Variants in PLPPR1 observed in about 807,000 individuals in gnomAD.
PLPPR1 encodes the protein phospholipid phosphatase related 1, also known as phospholipid phosphatase-related protein type 1.
A neutral mutation model predicts 33.1 loss-of-function variants in PLPPR1; 10 were observed. That is an observed-to-expected ratio of 0.30 (90% CI 0.19 to 0.51). The LOEUF (loss-of-function observed/expected upper bound fraction) is 0.51. Among genes scored for constraint, PLPPR1 ranks in the 20% least tolerant of loss-of-function variants. The probability of loss-of-function intolerance (pLI) is 0.97; values close to 1 mark genes in which losing one functional copy is unlikely to be tolerated. For missense variants in PLPPR1, 304 were observed against 408.1 expected, an observed-to-expected ratio of 0.74 and a Z score of 2.20; for synonymous variants, 151 against 151.0, an observed-to-expected ratio of 1.00 and a Z score of 0.00.
chr9:101,131,506 A>G (rs918184775), intron 1 of PLPPR1: 2 of 152,186 alleles, frequency 1.3e-5, no homozygotes, highest in Non-Finnish European at 2.9e-5. Flanking sequence ...CAGAAGTTCT[A>G]TTAGGGAAGT....
intron 4 of PLPPR1, among the ~76,000 whole-genome samples, chr9:101,294,146 A>T (rs968697158): frequency 1.3e-5 from 2 of 152,102 alleles, no homozygotes; most frequent in Admixed American, 6.6e-5. Flanking sequence ...CAGAAATACA[A>T]ACTATCATCA....
chr9:101,035,259 A>G (rs868178771), intron 1 of PLPPR1, among the ~76,000 whole-genome samples: 2 of 152,146 alleles, frequency 1.3e-5, no homozygotes, highest in Non-Finnish European at 2.9e-5. Context: ...ATCCCAGTGG[A>G]TGTGGAAACT....
At chr9:101,182,095 A>T (rs186367947) in intron 1 of PLPPR1, among the ~76,000 whole-genome samples, 1 of 151,740 alleles carries the variant, frequency 6.6e-6, no homozygotes, top group Admixed American at 6.6e-5. Flanking sequence ...GGGAAATAAC[A>T]TGGATGAACC....
At chr9:101,140,916 C>T (rs1462633499) in intron 1 of PLPPR1, among the ~76,000 whole-genome samples, 1 of 152,126 alleles carries the variant, frequency 6.6e-6, no homozygotes, top group Non-Finnish European at 1.5e-5. Flanking sequence ...GGAAAGTGTG[C>T]TCTGTGAGAT....
intron 7 of PLPPR1, 54 bp downstream of exon 7, chr9:101,317,550 G>A (rs1173033702): frequency 1.3e-6 from 2 of 1,550,804 alleles, no homozygotes; most frequent in Non-Finnish European, 8.8e-7. Context: ...ACTTTGGGAG[G>A]TCAGTATCAA....
In PLPPR1 at chr9:101,291,947, C is replaced by T. The variant is rs527979021; in HGVS notation, c.385+5711C>T. The stretch of plus-strand genomic sequence containing the variant: ...CAGAACAAAGCTGGATGGAGAATGA[C>T]TTTGACGAGTTGAGAGAAGAAGGCT... On this transcript the variant is annotated intron_variant, in intron 4 of 7. Transcript: ENST00000374874. 1.9e-3 allele frequency among the ~76,000 whole-genome samples: 284 copies of T among 152,314 alleles called. 1 individual carries two copies. The highest frequency in any genetic ancestry group is 3.5e-3 in the Non-Finnish European group (235 of 68,038).
chr9:101,039,931 A>G (rs1310734912), intron 1 of PLPPR1, among the ~76,000 whole-genome samples: 2 of 152,114 alleles, frequency 1.3e-5, no homozygotes, highest in Admixed American at 6.5e-5. Context: ...CTAAAAAAAA[A>G]AAAAAAAAAT....
At chr9:101,172,220 A>G (rs1340443673) in intron 1 of PLPPR1, among the ~76,000 whole-genome samples, 2 of 152,088 alleles carry the variant, frequency 1.3e-5, no homozygotes, top group Non-Finnish European at 1.5e-5. Context: ...ATTTGCTTCC[A>G]GGAGGCCCCA....
chr9:101,152,226 C>A (rs552865564), intron 1 of PLPPR1, among the ~76,000 whole-genome samples: 7 of 152,156 alleles, frequency 4.6e-5, no homozygotes, highest in Non-Finnish European at 8.8e-5. Flanking sequence ...ATATCCTTTG[C>A]CCACTTTTCG....
At chr9:101,069,413 G>T (rs779988569) in intron 1 of PLPPR1, among the ~76,000 whole-genome samples, 1 of 152,088 alleles carries the variant, frequency 6.6e-6, no homozygotes, top group South Asian at 2.1e-4. Context: ...TTGCAGGTCT[G>T]TGTCTACAAT....
At chr9:101,177,188 G>A (rs1173332522) in intron 1 of PLPPR1, among the ~76,000 whole-genome samples, 3 of 152,064 alleles carry the variant, frequency 2.0e-5, no homozygotes, top group African/African-American at 7.2e-5. Context: ...CATTAAATCT[G>A]TAGATCACTT....
At chr9:101,270,157 G>T in intron 3 of PLPPR1, 89 bp downstream of exon 3, 1 of 1,363,644 alleles carries the variant, frequency 7.3e-7, no homozygotes, top group Non-Finnish European at 1.0e-6. Context: ...CTCTTCCTGA[G>T]CATTCACCAG....
intron 2 of PLPPR1, among the ~76,000 whole-genome samples, chr9:101,265,192 A>G (rs536484423): frequency 6.6e-6 from 1 of 152,210 alleles, no homozygotes; most frequent in Non-Finnish European, 1.5e-5. Flanking sequence ...AACCACAGGA[A>G]GCTGAATTTC....
In PLPPR1 at chr9:101,307,413, T is replaced by TGCTG. The variant is rs532723448; in HGVS notation, c.386-1797_386-1796insCTGG. 1.2e-4 allele frequency among the ~76,000 whole-genome samples: 19 copies of TGCTG among 152,320 alleles called. No individual in the cohort carries two copies. In the South Asian group the frequency reaches 3.7e-3, roughly 30 times the overall value. ...ATGTCTGGACAGACTTATTGCCCCT[T>TGCTG]GAAAGACCCAGCAACCTGGTCTTTG... On this transcript the variant is annotated intron_variant, in intron 4 of 7. Coordinates refer to ENST00000374874, the MANE Select transcript of PLPPR1 (RefSeq NM_207299.2).
intron 2 of PLPPR1, among the ~76,000 whole-genome samples, chr9:101,269,091 A>G (rs1250354987): frequency 6.6e-6 from 1 of 152,220 alleles, no homozygotes; most frequent in East Asian, 1.9e-4. Flanking sequence ...AAAACATGTT[A>G]CATTTCCATA....
At position 101,237,836 on chromosome 9, in the gene PLPPR1, T is replaced by TATATATATATAG. The variant is rs370193024; in HGVS notation, c.64-32044_64-32043insATATATATATAG. Among the ~76,000 whole-genome samples, 697 of 129,864 alleles carry TATATATATATAG rather than the reference T, an allele frequency of 5.4e-3. 11 individuals are homozygous for TATATATATATAG. The highest frequency in any genetic ancestry group is 0.019 in the African/African-American group (643 of 34,154). 85.2% of individuals were successfully genotyped at this position (129,864 alleles called of 152,430 possible). ...GTGTGCATATATATATATATATATATGCTATATATGTGTGTGTGTATATAT... is the reference window on the plus strand; with the variant it reads ...GTGTGCATATATATATATATATATATATATATATATAGGCTATATATGTGTGTGTGTATATAT... On this transcript the variant is annotated intron_variant, in intron 2 of 7. Transcript: ENST00000374874.
chr9:101,049,404 T>C (rs560944170), intron 1 of PLPPR1, among the ~76,000 whole-genome samples: 1 of 152,352 alleles, frequency 6.6e-6, no homozygotes, highest in Non-Finnish European at 1.5e-5. Context: ...CTTTGACAAA[T>C]GTGACTTTAT....
Position 101,312,860 on chromosome 9 carries a change from C to T in PLPPR1, c.699C>T (p.Leu233=), listed in dbSNP as rs752756951. 26 of 1,613,990 alleles carry T rather than the reference C, an allele frequency of 1.6e-5. No individual in the cohort carries two copies. Among genetic ancestry groups the T allele is most frequent in the Admixed American group, 1.0e-4 (6 of 60,008 alleles). The part of the protein sequence containing the change: ...SSRLAKPVLC[L]GTLCTAFLTG... ...GACTGGCCAAGCCGGTGCTGTGCCT[C>T]GGAACTCTCTGCACAGCCTTCCTGA... The change falls in exon 6 of 8, where the codon CTC becomes CTT. Residue 233 remains leucine, a synonymous_variant. Coordinates refer to ENST00000374874, the MANE Select transcript of PLPPR1 (RefSeq NM_207299.2).
At chr9:101,159,652 G>C (rs1229489241) in intron 1 of PLPPR1, among the ~76,000 whole-genome samples, 2 of 152,142 alleles carry the variant, frequency 1.3e-5, no homozygotes, top group African/African-American at 4.8e-5. Flanking sequence ...GGCTAAAAGA[G>C]AGACCAGTTA....
Sources: allele counts gnomAD v4.1 joint callset (sites outside exome capture counted in the v4.1 genomes callset), GRCh38; gene constraint gnomAD v4.1.1; transcripts MANE v1.5; gene names NCBI Gene and HGNC (gene_info 2026-07-23, HGNC 2026-07-21).